Variants in LEKR1 observed in about 807,000 individuals in gnomAD.
The protein encoded by LEKR1 is protein LEKR1.
A neutral mutation model predicts 72.4 loss-of-function variants in LEKR1; 59 were observed. The observed-to-expected ratio is 0.82, with a 90% confidence interval of 0.66 to 1.01. The LOEUF is 1.01. Ranked by LOEUF, LEKR1 falls within the 50% of genes least tolerant of loss-of-function variation. The pLI, the probability that LEKR1 is intolerant of heterozygous loss-of-function variation, is 0.00. For synonymous variants in LEKR1, 257 were observed against 263.2 expected (o/e 0.98, Z 0.23); for missense variants, 728 against 759.2 (o/e 0.96, Z 0.48).
chr3:157,012,317 A>G (rs1732956284), intron 10 of LEKR1, among the ~76,000 whole-genome samples: 1 of 151,994 alleles, frequency 6.6e-6, no homozygotes, highest in East Asian at 1.9e-4. Flanking sequence ...TTTTCTTATT[A>G]TGTCTTAAAT....
intron 9 of LEKR1, among the ~76,000 whole-genome samples, chr3:157,010,774 A>G (rs969011521): frequency 6.6e-6 from 1 of 152,082 alleles, no homozygotes; most frequent in Admixed American, 6.6e-5. Context: ...ACTTCCATCC[A>G]GAGGATCACA....
intron 9 of LEKR1, among the ~76,000 whole-genome samples, chr3:157,003,584 T>C (rs992380635): frequency 6.6e-6 from 1 of 152,154 alleles, no homozygotes; most frequent in African/African-American, 2.4e-5. Context: ...ATGAATCCAA[T>C]CTCTGCTTTC....
intron 12 of LEKR1, among the ~76,000 whole-genome samples, chr3:157,038,599 A>T (rs1735126857): frequency 6.6e-6 from 1 of 152,146 alleles, no homozygotes. Flanking sequence ...GAATCTAGCG[A>T]TGGTGACAGA....
At position 157,028,225 on chromosome 3, in the gene LEKR1, T is replaced by A; in HGVS notation, c.1491T>A (p.Ile497=). 1 of 1,613,400 alleles carries A rather than the reference T, an allele frequency of 6.2e-7. No individual in the cohort carries two copies. Among genetic ancestry groups the A allele is most frequent in the Non-Finnish European group, 8.5e-7 (1 of 1,179,558 alleles). ...AATCTAATTCAAAGGAAAAAGAAATTGAAAATCTTAAAAATTTGGTTGCAG... is the reference window on the plus strand; with the variant it reads ...AATCTAATTCAAAGGAAAAAGAAATAGAAAATCTTAAAAATTTGGTTGCAG... The part of the protein sequence containing the change: ...TEESNSKEKE[I]ENLKNLVAEF... Residue 497 remains isoleucine (I), a synonymous_variant, in exon 12 of 13, where the codon ATT becomes ATA. Transcript: ENST00000356539.
chr3:156,996,845 A>G (rs1467816284), intron 9 of LEKR1, among the ~76,000 whole-genome samples: 1 of 152,134 alleles, frequency 6.6e-6, no homozygotes, highest in East Asian at 1.9e-4. Flanking sequence ...TGGATGGATC[A>G]TCTAAGGTCA....
intron 5 of LEKR1, among the ~76,000 whole-genome samples, chr3:156,929,488 A>T (rs1021086517): frequency 6.6e-6 from 1 of 152,172 alleles, no homozygotes; most frequent in Admixed American, 6.6e-5. Flanking sequence ...TCAGAATGAG[A>T]CAATAGCAGC....
At chr3:157,026,862 A>G in intron 11 of LEKR1, among the ~76,000 whole-genome samples, 1 of 152,214 alleles carries the variant, frequency 6.6e-6, no homozygotes, top group East Asian at 1.9e-4. Context: ...GAAAGAAAAC[A>G]AGAGGACTTT....
intron 2 of LEKR1, among the ~76,000 whole-genome samples, chr3:156,833,477 A>G (rs1453588087): frequency 6.6e-6 from 1 of 152,220 alleles, no homozygotes. Context: ...TTAATATAAC[A>G]ATTATTATTA....
At chr3:156,899,286 A>G (rs1399719673) in intron 3 of LEKR1, among the ~76,000 whole-genome samples, 2 of 146,606 alleles carry the variant, frequency 1.4e-5, no homozygotes, top group East Asian at 2.0e-4. Context: ...ATATATATAC[A>G]TGTATATATA....
At chr3:156,918,257 C>T in intron 3 of LEKR1, among the ~76,000 whole-genome samples, 1 of 152,042 alleles carries the variant, frequency 6.6e-6, no homozygotes, top group East Asian at 1.9e-4. Context: ...TATTAGCTAC[C>T]TACCCCAACA....
At chr3:156,877,868 C>T (rs1289823202) in intron 3 of LEKR1, among the ~76,000 whole-genome samples, 12 of 152,186 alleles carry the variant, frequency 7.9e-5, no homozygotes, top group East Asian at 1.9e-4. Context: ...CTGCAACCTC[C>T]GCCTCCTGGG....
At chr3:157,042,860 T>C (rs1413008124) in intron 12 of LEKR1, among the ~76,000 whole-genome samples, 1 of 152,182 alleles carries the variant, frequency 6.6e-6, no homozygotes, top group Non-Finnish European at 1.5e-5. Flanking sequence ...GTGATATTTT[T>C]ATACTAATTT....
chr3:156,974,696 C>T (rs533830634), intron 6 of LEKR1, among the ~76,000 whole-genome samples: 4 of 151,978 alleles, frequency 2.6e-5, no homozygotes, highest in East Asian at 1.9e-4. Flanking sequence ...ATCCTTGACC[C>T]GTGCCAGCAA....
intron 3 of LEKR1, among the ~76,000 whole-genome samples, chr3:156,886,214 A>G (rs533528556): frequency 6.6e-6 from 1 of 152,146 alleles, no homozygotes; most frequent in East Asian, 1.9e-4. Flanking sequence ...TGCATAATAT[A>G]GTTTGCCAGG....
At chr3:156,938,884 A>G (rs1328721224) in intron 5 of LEKR1, among the ~76,000 whole-genome samples, 1 of 152,200 alleles carries the variant, frequency 6.6e-6, no homozygotes, top group African/African-American at 2.4e-5. Context: ...CATTTGCCTA[A>G]GCTCACAGGA....
chr3:157,037,360 TAGAA>T (rs1373496786), intron 12 of LEKR1, among the ~76,000 whole-genome samples: 11 of 151,952 alleles, frequency 7.2e-5, no homozygotes, highest in Admixed American at 6.6e-5. Flanking sequence ...TTAAAAATAA[TAGAA>T]AGGAATAAAG....
At chr3:156,899,274 G>GTA (rs1560063145) in intron 3 of LEKR1, among the ~76,000 whole-genome samples, 3 of 140,314 alleles carry the variant, frequency 2.1e-5, no homozygotes, top group East Asian at 2.1e-4. Context: ...ATACACACAT[G>GTA]TATATATATA....
At chr3:156,889,660 A>C (rs1273967106) in intron 3 of LEKR1, among the ~76,000 whole-genome samples, 3 of 152,174 alleles carry the variant, frequency 2.0e-5, no homozygotes, top group Non-Finnish European at 4.4e-5. Flanking sequence ...AATATGTGTA[A>C]AGTTAATCTC....
intron 12 of LEKR1, among the ~76,000 whole-genome samples, chr3:157,045,056 A>G (rs1735653187): frequency 6.6e-6 from 1 of 152,194 alleles, no homozygotes; most frequent in African/African-American, 2.4e-5. Flanking sequence ...CAGCCGCACC[A>G]CTAACATCTG....
Sources: allele counts gnomAD v4.1 joint callset (sites outside exome capture counted in the v4.1 genomes callset), GRCh38; gene constraint gnomAD v4.1.1; transcripts MANE v1.5; gene names NCBI Gene and HGNC (gene_info 2026-07-23, HGNC 2026-07-21).